Variants in LIN52 observed in about 807,000 individuals in gnomAD.
LIN52 encodes the protein protein lin-52 homolog.
In LIN52, 4 loss-of-function variants were observed where a neutral mutation model predicts 18.5. The ratio of observed to expected loss-of-function variants is 0.22; its 90% CI spans 0.11 to 0.49. The LOEUF (loss-of-function observed/expected upper bound fraction) is 0.49. Among genes scored for constraint, LIN52 ranks in the 20% least tolerant of loss-of-function variants. The probability of loss-of-function intolerance (pLI) is 0.97; values close to 1 mark genes in which losing one functional copy is unlikely to be tolerated. For missense variants in LIN52, 102 were observed against 139.5 expected (o/e 0.73, Z 1.35); for synonymous variants, 34 against 45.5 (o/e 0.75, Z 1.02).
chr14:74,182,824 A>T (rs2061324075), intron 5 of LIN52, among the ~76,000 whole-genome samples: 1 of 152,128 alleles, frequency 6.6e-6, no homozygotes, highest in African/African-American at 2.4e-5. Flanking sequence ...GCAACATGTT[A>T]AGCCGGGCAG....
intron 5 of LIN52, among the ~76,000 whole-genome samples, chr14:74,108,782 CAT>C (rs1467705361): frequency 4.6e-5 from 7 of 152,080 alleles, no homozygotes; most frequent in African/African-American, 1.4e-4. Context: ...ATTCTAGAAA[CAT>C]ATATATGTTA....
intron 5 of LIN52, among the ~76,000 whole-genome samples, chr14:74,147,068 G>C (rs920982049): frequency 6.6e-6 from 1 of 152,100 alleles, no homozygotes; most frequent in African/African-American, 2.4e-5. Flanking sequence ...AGACCAGCCT[G>C]ACCAACATGA....
intron 5 of LIN52, among the ~76,000 whole-genome samples, chr14:74,146,408 A>G (rs926646046): frequency 1.3e-5 from 2 of 152,098 alleles, no homozygotes; most frequent in Non-Finnish European, 2.9e-5. Context: ...TCTCGTAGCC[A>G]TGGTGGGATG....
chr14:74,134,958 CAA>C (rs765908585), intron 5 of LIN52, among the ~76,000 whole-genome samples: 8 of 152,170 alleles, frequency 5.3e-5, no homozygotes, highest in Non-Finnish European at 1.2e-4. Context: ...GATGGAAAAG[CAA>C]ACACATTGTT....
chr14:74,119,379 T>G (rs941100683), intron 5 of LIN52, among the ~76,000 whole-genome samples: 5 of 152,084 alleles, frequency 3.3e-5, no homozygotes, highest in Non-Finnish European at 1.5e-5. Context: ...TTAGCTAGGA[T>G]GGTCTCGATC....
chr14:74,141,948 G>C (rs2061133385), intron 5 of LIN52, among the ~76,000 whole-genome samples: 1 of 152,186 alleles, frequency 6.6e-6, no homozygotes, highest in Admixed American at 6.5e-5. Flanking sequence ...TAGGTTTCTT[G>C]TGTAACAGCT....
chr14:74,192,561 T>C (rs1157058884), intron 5 of LIN52: 2 of 188,772 alleles, frequency 1.1e-5, no homozygotes, highest in Non-Finnish European at 2.2e-5. Context: ...GTGCTGGGAT[T>C]ACAGGCATGA....
At chr14:74,194,871 G>A (rs1046127558) in intron 5 of LIN52, among the ~76,000 whole-genome samples, 9 of 152,298 alleles carry the variant, frequency 5.9e-5, no homozygotes, top group South Asian at 2.1e-4. Flanking sequence ...CAGGCTGGGC[G>A]AGGTGGCTCA....
At chr14:74,130,954 A>AT (rs1555382632) in intron 5 of LIN52, among the ~76,000 whole-genome samples, 1 of 150,878 alleles carries the variant, frequency 6.6e-6, no homozygotes, top group Non-Finnish European at 1.5e-5. Context: ...TAAAATTTTT[A>AT]TTATTTATTT....
chr14:74,136,948 C>T (rs558838558), intron 5 of LIN52, among the ~76,000 whole-genome samples: 4 of 151,912 alleles, frequency 2.6e-5, no homozygotes, highest in South Asian at 2.1e-4. Context: ...TTTAAAATCC[C>T]GGATTTCCTT....
At chr14:74,157,593 A>G (rs967431744) in intron 5 of LIN52, among the ~76,000 whole-genome samples, 4 of 151,224 alleles carry the variant, frequency 2.6e-5, no homozygotes, top group Non-Finnish European at 5.9e-5. Flanking sequence ...TAGCCTCCCA[A>G]GTACCTGGGA....
At position 74,137,498 on chromosome 14, in the gene LIN52, C is replaced by CTCTTTTTTTTTTTTTTTTTTTTTTTTTTT. The variant is rs776969152; in HGVS notation, c.283+36261_283+36262insCTTTTTTTTTTTTTTTTTTTTTTTTTTTT. 1.8e-5 allele frequency among the ~76,000 whole-genome samples: 2 copies of CTCTTTTTTTTTTTTTTTTTTTTTTTTTTT among 111,624 alleles called. 1 individual carries two copies. The highest frequency in any genetic ancestry group is 7.5e-5 in the African/African-American group (2 of 26,840). 73.2% of individuals were successfully genotyped at this position (111,624 alleles called of 152,430 possible). A position where few individuals can be genotyped will look rare whatever the true frequency, so the allele number is the denominator to read the frequency against. On this transcript the variant is annotated intron_variant, in intron 5 of 5. Coordinates refer to ENST00000555028, the MANE Select transcript of LIN52 (RefSeq NM_001024674.3). The stretch of plus-strand genomic sequence containing the variant: ...GCACTAAATTCTTCACAGCAGCTCT[C>CTCTTTTTTTTTTTTTTTTTTTTTTTTTTT]TTTTTTTTTTTTTTTTTTGAGATGG...
At chr14:74,158,919 T>C (rs1008602998) in intron 5 of LIN52, among the ~76,000 whole-genome samples, 1 of 152,218 alleles carries the variant, frequency 6.6e-6, no homozygotes, top group Non-Finnish European at 1.5e-5. Context: ...CAACTTCTTA[T>C]GTTGCAAGTT....
chr14:74,151,994 C>T (rs552950818), intron 5 of LIN52, among the ~76,000 whole-genome samples: 6 of 152,198 alleles, frequency 3.9e-5, no homozygotes, highest in East Asian at 3.9e-4. Context: ...AGGTGGCTCA[C>T]GCCTGTAATC....
intron 5 of LIN52, among the ~76,000 whole-genome samples, chr14:74,165,921 C>T (rs1205103700): frequency 6.7e-6 from 1 of 149,184 alleles, no homozygotes; most frequent in African/African-American, 2.5e-5. Flanking sequence ...GACAGAGTTT[C>T]GTTCTTCTTG....
chr14:74,085,298 G>GT, intron 1 of LIN52: 1 of 296,130 alleles, frequency 3.4e-6, no homozygotes. Flanking sequence ...GCGAGGCTGA[G>GT]GGTCGAGGAG....
At chr14:74,195,543 GGTGTGTGTGTGTATGT>G (rs1566872404) in intron 5 of LIN52, among the ~76,000 whole-genome samples, 1 of 102,002 alleles carries the variant, frequency 9.8e-6, no homozygotes, top group African/African-American at 3.8e-5. Flanking sequence ...GGTGTGTGTG[GGTGTGTGTGTGTATGT>G]GTGTGTGTGT....
intron 5 of LIN52, among the ~76,000 whole-genome samples, chr14:74,156,157 T>C (rs2139560341): frequency 6.6e-6 from 1 of 152,362 alleles, no homozygotes; most frequent in South Asian, 2.1e-4. Flanking sequence ...TGTCCTCCTA[T>C]TTTAAGCCAG....
intron 2 of LIN52, among the ~76,000 whole-genome samples, chr14:74,092,862 A>G (rs563129033): frequency 6.7e-4 from 100 of 150,256 alleles, no homozygotes; most frequent in African/African-American, 2.3e-3. Context: ...GGTTGCAGTG[A>G]GCCAAGATTG....
Sources: gnomAD v4.1 joint callset for allele counts (sites outside exome capture counted in the v4.1 genomes callset) on GRCh38, gnomAD v4.1.1 for gene constraint, MANE v1.5 for transcripts, NCBI Gene and HGNC (gene_info 2026-07-23, HGNC 2026-07-21) for gene names.